Variants in MRPS33 observed in about 807,000 individuals in gnomAD.
MRPS33 encodes the protein mitochondrial ribosomal protein S33, also known as small ribosomal subunit protein mS33.
Under a neutral mutation model 11.2 loss-of-function variants are expected in MRPS33, and 11 were observed. That is an observed-to-expected ratio of 0.99 (90% CI 0.62 to 1.63). The LOEUF (loss-of-function observed/expected upper bound fraction) is 1.63, where lower values mean the gene tolerates loss of function less well. Among genes scored for constraint, MRPS33 ranks in the 40% most tolerant of loss-of-function variants. MRPS33 has a pLI of 0.00. For missense variants in MRPS33, 109 were observed against 127.8 expected, an observed-to-expected ratio of 0.85 and a Z score of 0.71; for synonymous variants, 46 against 44.0, an observed-to-expected ratio of 1.05 and a Z score of -0.18.
chr7:141,010,523 A>G lies in MRPS33; in HGVS notation c.111T>C (p.Phe37=), dbSNP rs1820650734. The change falls in exon 2 of 3, where the codon TTT becomes TTC. Residue 37 remains phenylalanine, a synonymous_variant. Transcript: ENST00000324787. ...NSKSMKVVKL[F]SELPLAKKKE... ...TCTTCTTGGCCAAGGGCAGTTCACTAAACAGTTTCACCACTTTCATAGACT... is the reference window on the plus strand; with the variant it reads ...TCTTCTTGGCCAAGGGCAGTTCACTGAACAGTTTCACCACTTTCATAGACT... The G allele has an allele frequency of 6.2e-7, 1 of 1,614,206 alleles. No individual in the cohort carries two copies. Among genetic ancestry groups the G allele is most frequent in the Non-Finnish European group, 8.5e-7 (1 of 1,180,026 alleles).
At chr7:141,007,758 C>T (rs937180396) in intron 2 of MRPS33, among the ~76,000 whole-genome samples, 1 of 152,190 alleles carries the variant, frequency 6.6e-6, no homozygotes, top group Non-Finnish European at 1.5e-5. Context: ...TAAACCTCAA[C>T]TCCTCAACGA....
In MRPS33 at chr7:141,010,438, G is replaced by A. The variant is rs759403897; in HGVS notation, c.196C>T (p.Arg66Ter). ...CATCACCTGTAGAGTCCAAGAAATC[G>A]GAGCGTCTGCATGAGTTCAGCGTAA... The part of the protein sequence containing the change: ...HTYAELMQTL[R>*]FLGLYRDEHQ... Residue 66 changes from arginine (R) to a stop codon, truncating the protein, a stop_gained, in exon 2 of 3, where the codon CGA becomes TGA. Coordinates refer to ENST00000324787, the MANE Select transcript of MRPS33 (RefSeq NM_053035.3). LOFTEE classifies it high-confidence loss of function. The A allele has an allele frequency of 1.7e-5, 27 of 1,613,902 alleles. No homozygotes were observed. The highest frequency in any genetic ancestry group is 2.7e-5 in the African/African-American group (2 of 74,858).
At chr7:141,008,146 C>A (rs1820580523) in intron 2 of MRPS33, among the ~76,000 whole-genome samples, 1 of 152,114 alleles carries the variant, frequency 6.6e-6, no homozygotes, top group African/African-American at 2.4e-5. Flanking sequence ...CCACAGGAGG[C>A]CTAGCATTAG....
Position 141,012,173 on chromosome 7 carries a change from CAA to C in MRPS33, c.-27-1515_-27-1514del, listed in dbSNP as rs56343833. ...TGAGTGACAGAGCAAGATTGTGTGT[CAA>C]AAAAAAAAAAAAAAAAAAAGCAGAG... is the stretch of plus-strand genomic sequence containing the variant. On this transcript the variant is annotated intron_variant, in intron 1 of 2. Coordinates refer to ENST00000324787, the MANE Select transcript of MRPS33 (RefSeq NM_053035.3). Among the ~76,000 whole-genome samples the C allele has an allele frequency of 2.9e-3, 169 of 58,776 alleles. 8 individuals carry two copies. The highest frequency in any genetic ancestry group is 3.8e-3 in the Non-Finnish European group (136 of 36,058). 38.6% of individuals were successfully genotyped at this position (58,776 alleles called of 152,430 possible).
chr7:141,014,567 T>C (rs765661837), intron 1 of MRPS33: 1 of 152,106 alleles, frequency 6.6e-6, no homozygotes, highest in Non-Finnish European at 1.5e-5. Context: ...TTTCTTAAGG[T>C]GGTTACAAAA....
In MRPS33 at chr7:141,003,412, C is replaced by T. The variant is rs1165647543; in HGVS notation, c.*3018G>A. 6.6e-6 allele frequency: 1 copy of T among 152,216 alleles called. No individual in the cohort carries two copies. Among genetic ancestry groups the T allele is most frequent in the East Asian group, 1.9e-4 (1 of 5,194 alleles). The allele number at this position is 152,216 out of a possible 1,614,324, so 9.4% of individuals were successfully genotyped here. A position where few individuals can be genotyped will look rare whatever the true frequency, so the allele number is the denominator to read the frequency against. ...GTACAGGCTGTTTTGAGTCACACAGCTTGCTCTATCAATTGAAGGTATAGC... is the reference window on the plus strand; with the variant it reads ...GTACAGGCTGTTTTGAGTCACACAGTTTGCTCTATCAATTGAAGGTATAGC... On this transcript the variant is annotated 3_prime_UTR_variant, in exon 3 of 3. Coordinates refer to ENST00000324787, the MANE Select transcript of MRPS33 (RefSeq NM_053035.3).
At chr7:141,010,217 A>G (rs1820638999) in intron 2 of MRPS33, 1 of 572,320 alleles carries the variant, frequency 1.7e-6, no homozygotes, top group Admixed American at 3.2e-5. Flanking sequence ...ATATCTTCCA[A>G]CAAGCATGAA....
chr7:141,010,985 G>A (rs538332375), intron 1 of MRPS33, among the ~76,000 whole-genome samples: 17 of 152,340 alleles, frequency 1.1e-4, no homozygotes, highest in South Asian at 4.1e-4. Context: ...AGAAGACAGG[G>A]AAACAAGTTA....
At position 141,006,547 on chromosome 7, in the gene MRPS33, A is replaced by G. The variant is rs766251874; in HGVS notation, c.216-12T>C. 7.5e-6 allele frequency: 12 copies of G among 1,605,360 alleles called. No homozygotes were observed. Among genetic ancestry groups the G allele is most frequent in the Admixed American group, 3.3e-5 (2 of 59,830 alleles). On this transcript the variant is annotated splice_polypyrimidine_tract_variant and intron_variant, in intron 2 of 2. Transcript: ENST00000324787. ...CCTGATGCTCATCTCTGAATGAAGA[A>G]GGAAAAAATAATTAACCAGTTATTT...
In MRPS33 at chr7:141,004,799, C is replaced by G. The variant is rs187090922; in HGVS notation, c.*1631G>C. The stretch of plus-strand genomic sequence containing the variant: ...ACAGAGTCTCGCTTTGTTGCCCAGG[C>G]TGGAGTGCAGTGGCACCATCTCAGC... On this transcript the variant is annotated 3_prime_UTR_variant, in exon 3 of 3. Transcript: ENST00000324787. 6.6e-6 allele frequency: 1 copy of G among 152,214 alleles called. No homozygotes were observed. The highest frequency in any genetic ancestry group is 1.9e-4 in the East Asian group (1 of 5,180). 9.4% of individuals were successfully genotyped at this position (152,214 alleles called of 1,614,324 possible).
intron 2 of MRPS33, among the ~76,000 whole-genome samples, chr7:141,008,368 G>A (rs1164879824): frequency 6.6e-6 from 1 of 152,072 alleles, no homozygotes; most frequent in Non-Finnish European, 1.5e-5. Flanking sequence ...TTTTATTTTG[G>A]GTTATAATAA....
At chr7:141,010,889 G>T (rs1354502183) in intron 1 of MRPS33, among the ~76,000 whole-genome samples, 2 of 152,172 alleles carry the variant, frequency 1.3e-5, no homozygotes, top group Non-Finnish European at 2.9e-5. Flanking sequence ...CTTCCTTGCT[G>T]TATTGCCTCC....
chr7:141,012,549 T>C (rs1820701287), intron 1 of MRPS33, among the ~76,000 whole-genome samples: 1 of 152,242 alleles, frequency 6.6e-6, no homozygotes, highest in Non-Finnish European at 1.5e-5. Flanking sequence ...CTAGTTTCTT[T>C]GCATGCTTTT....
chr7:141,007,341 T>C (rs979703179), intron 2 of MRPS33, among the ~76,000 whole-genome samples: 4 of 152,086 alleles, frequency 2.6e-5, no homozygotes, highest in Admixed American at 2.0e-4. Flanking sequence ...TAACAGTGTA[T>C]GAATCAAATG....
intron 2 of MRPS33, chr7:141,010,152 T>C: frequency 2.7e-6 from 1 of 372,376 alleles, no homozygotes; most frequent in East Asian, 5.4e-5. Context: ...ATTAAACACC[T>C]CTCTACAGCT....
At chr7:141,008,355 A>G (rs577877624) in intron 2 of MRPS33, among the ~76,000 whole-genome samples, 18 of 152,314 alleles carry the variant, frequency 1.2e-4, no homozygotes, top group African/African-American at 2.4e-4. Context: ...CTGCCTCCCA[A>G]TATTTTATTT....
chr7:141,006,492 TC>T lies in MRPS33; in HGVS notation c.258del (p.Lys87SerfsTer69). On this transcript the variant is annotated frameshift_variant, in exon 3 of 3. Coordinates refer to ENST00000324787, the MANE Select transcript of MRPS33 (RefSeq NM_053035.3). LOFTEE classifies it high-confidence loss of function. ...TTTGGTTTCTCCTTTCCACGAAGCT[TC>T]TTTAGTCGTTTTTGCTCATCCATAA... is the stretch of plus-strand genomic sequence containing the variant. ...QDFMDEQKRL[K>X]KLRGKEKPKK... 1 of 1,614,046 alleles carries T rather than the reference TC, an allele frequency of 6.2e-7. No homozygotes were observed.
At chr7:141,006,654 T>C in intron 2 of MRPS33, 119 bp from the exon 3 acceptor site, 1 of 818,174 alleles carries the variant, frequency 1.2e-6, no homozygotes, top group Non-Finnish European at 2.0e-6. Flanking sequence ...TTTTACAAGT[T>C]AGCCACATGC....
chr7:141,007,877 A>G (rs1437702296), intron 2 of MRPS33, among the ~76,000 whole-genome samples: 1 of 151,896 alleles, frequency 6.6e-6, no homozygotes, highest in African/African-American at 2.4e-5. Flanking sequence ...ATTTTTTTCC[A>G]CAGCATGTTC....
Sources: gnomAD v4.1 joint callset for allele counts (sites outside exome capture counted in the v4.1 genomes callset) on GRCh38, gnomAD v4.1.1 for gene constraint, MANE v1.5 for transcripts, NCBI Gene and HGNC (gene_info 2026-07-23, HGNC 2026-07-21) for gene names.